The following CACNA2D4 variants were observed in gnomAD, a reference collection of about 807,000 sequenced individuals.
CACNA2D4 encodes voltage-dependent calcium channel subunit alpha-2/delta-4.
Under a neutral mutation model 163.8 loss-of-function variants are expected in CACNA2D4, and 157 were observed. The observed-to-expected ratio is 0.96, with a 90% CI of 0.84 to 1.09. The LOEUF (loss-of-function observed/expected upper bound fraction) is 1.09, where lower values mean the gene tolerates loss of function less well. Ranked by LOEUF, CACNA2D4 falls within the 50% of genes least tolerant of loss-of-function variation. The pLI is 0.00. For missense variants in CACNA2D4, 1,410 were observed against 1,479.9 expected, an observed-to-expected ratio of 0.95 and a Z score of 0.78; for synonymous variants, 598 against 586.9, an observed-to-expected ratio of 1.02 and a Z score of -0.27.
At chr12:1,850,526 A>G (rs1382456155) in intron 23 of CACNA2D4, among the ~76,000 whole-genome samples, 1 of 152,126 alleles carries the variant, frequency 6.6e-6, no homozygotes. Flanking sequence ...AGTTGCAAAC[A>G]CCTTTCCAGT....
chr12:1,882,882 G>C lies in CACNA2D4; in HGVS notation c.1470C>G (p.Ala490=). The C allele has an allele frequency of 6.2e-7, 1 of 1,613,846 alleles. No homozygotes were observed. Among genetic ancestry groups the C allele is most frequent in the Non-Finnish European group, 8.5e-7 (1 of 1,179,832 alleles). ...CCAGGCTCACCTTGCTGTCCATGTA[G>C]GCCTCTGTCCAGATGATGTCGTGGT... ...NHDHDIIWTE[A]YMDSKLLSSQ... is the part of the protein sequence containing the mutation. Residue 490 remains alanine, a synonymous_variant, in exon 13 of 38, where the codon GCC becomes GCG. Coordinates refer to ENST00000382722, the MANE Select transcript of CACNA2D4 (RefSeq NM_172364.5).
Position 1,885,062 on chromosome 12 carries a change from C to G in CACNA2D4, c.1083G>C (p.Leu361=). ...CACCTTTGACCATCAACTCCTCCACCAGCAGTTTGAAATGCTGCCATGGGT... is the reference window on the plus strand; with the variant it reads ...CACCTTTGACCATCAACTCCTCCACGAGCAGTTTGAAATGCTGCCATGGGT... The part of the protein sequence containing the change: ...DRDNREHFKL[L]VEELMVKGVG... Residue 361 remains leucine, a synonymous_variant, in exon 10 of 38, where the codon CTG becomes CTC. Transcript: ENST00000382722. The G allele has an allele frequency of 6.2e-7, 1 of 1,613,904 alleles. No individual in the cohort carries two copies. The highest frequency in any genetic ancestry group is 8.5e-7 in the Non-Finnish European group (1 of 1,179,808).
In CACNA2D4 at chr12:1,793,704, A is replaced by G. The variant is rs1863036401; in HGVS notation, c.3365T>C (p.Leu1122Pro). 1 of 1,613,572 alleles carries G rather than the reference A, an allele frequency of 6.2e-7. No individual in the cohort carries two copies. Residue 1122 changes from leucine (L) to proline (P), a missense_variant, in exon 38 of 38, where the codon CTC (leucine) becomes CCC (proline). Transcript: ENST00000382722. The stretch of plus-strand genomic sequence containing the variant: ...CCCCCAGGCACACACAGGCAGCAGG[A>G]GTAGGGGCGGCGAGGCTGAGGTGTC... Reference protein sequence around the residue: ...ASDTSASPPLLLLPVCAWGLL... With the variant: ...ASDTSASPPLPLLPVCAWGLL...
intron 6 of CACNA2D4, among the ~76,000 whole-genome samples, chr12:1,895,766 G>A (rs548967574): frequency 6.6e-6 from 1 of 152,082 alleles, no homozygotes; most frequent in East Asian, 1.9e-4. Flanking sequence ...TAAATAGCTA[G>A]GACTATAGCC....
Position 1,802,475 on chromosome 12 carries a change from T to C in CACNA2D4, c.2722-831A>G, listed in dbSNP as rs572932718. Among the ~76,000 whole-genome samples, 1 of 152,214 alleles carries C rather than the reference T, an allele frequency of 6.6e-6. No homozygotes were observed. The highest frequency in any genetic ancestry group is 1.5e-5 in the Non-Finnish European group (1 of 68,032). On this transcript the variant is annotated intron_variant, in intron 29 of 37. Coordinates refer to ENST00000382722, the MANE Select transcript of CACNA2D4 (RefSeq NM_172364.5). The surrounding 1 kb of genome is among the most constrained non-coding windows in gnomAD (Gnocchi z 4.7). ...TGCCCTGTGCCAAGCAGCGGCCCCC[T>C]AGCTGGCTGAGAATGGCCTCAGGCC...
intron 18 of CACNA2D4, among the ~76,000 whole-genome samples, chr12:1,860,574 T>C (rs890292015): frequency 6.6e-6 from 1 of 152,208 alleles, no homozygotes; most frequent in Non-Finnish European, 1.5e-5. Context: ...AGCGGCTATA[T>C]TGGGCAGTGC....
Position 1,800,033 on chromosome 12 carries a change from C to A in CACNA2D4, c.2941G>T (p.Val981Phe), listed in dbSNP as rs1167111745. The A allele has an allele frequency of 6.2e-7, 1 of 1,603,848 alleles. No individual in the cohort carries two copies. The highest frequency in any genetic ancestry group is 1.7e-5 in the Admixed American group (1 of 58,762). Reference protein sequence around the residue: ...ELVLFLLEWSVWGSWYDRGAE... With the variant: ...ELVLFLLEWSFWGSWYDRGAE... ...CCTCTGTCGTACCAGGAGCCCCAGACACTCCACTCCAGCAGGAACCTGTCA... is the reference window on the plus strand; with the variant it reads ...CCTCTGTCGTACCAGGAGCCCCAGAAACTCCACTCCAGCAGGAACCTGTCA... The change falls in exon 33 of 38, where the codon GTC becomes TTC. Residue 981 changes from valine to phenylalanine, a missense_variant. Physicochemically the swap from Val to Phe is conservative, Grantham distance 50. Transcript: ENST00000382722.
intron 19 of CACNA2D4, among the ~76,000 whole-genome samples, chr12:1,859,698 A>T (rs1865480538): frequency 1.3e-5 from 2 of 152,218 alleles, no homozygotes; most frequent in Admixed American, 1.3e-4. Context: ...AAACTCAAAG[A>T]CCTGTTAACA....
Position 1,900,282 on chromosome 12 carries a change from C to T in CACNA2D4, c.781+7158G>A, listed in dbSNP as rs530351816. Among the ~76,000 whole-genome samples, 84 of 152,248 alleles carry T rather than the reference C, an allele frequency of 5.5e-4. 1 individual carries two copies. Among genetic ancestry groups the T allele is most frequent in the African/African-American group, 1.9e-3 (78 of 41,534 alleles). On this transcript the variant is annotated intron_variant, in intron 6 of 37. Coordinates refer to ENST00000382722, the MANE Select transcript of CACNA2D4 (RefSeq NM_172364.5). ...ATAGCACCACAGGTGCACACCACCA[C>T]GACTGGCTAATTTTCATTTTTAAAA...
chr12:1,809,255 C>T (rs977390502), intron 29 of CACNA2D4: 13 of 502,372 alleles, frequency 2.6e-5, no homozygotes, highest in Non-Finnish European at 4.2e-5. Context: ...CCCTACCATG[C>T]GTGGAGGTGG....
At chr12:1,907,751 G>A in intron 5 of CACNA2D4, 124 bp downstream of exon 5, 1 of 1,307,520 alleles carries the variant, frequency 7.6e-7, no homozygotes, top group South Asian at 1.3e-5. Flanking sequence ...GGGCGTGTCT[G>A]GTGGGTGTGT....
rs550882227 is a variant in CACNA2D4, at chr12:1,831,269, C to A, written c.2551+9470G>T. The A allele has an allele frequency of 1.9e-6, 3 of 1,613,778 alleles. No individual in the cohort carries two copies. In the East Asian group the frequency reaches 6.7e-5, roughly 36 times the overall value. On this transcript the variant is annotated intron_variant, in intron 26 of 37. Transcript: ENST00000382722. ...ACAGCATCAGGACCCTGGACAGGGA[C>A]CTGCTGCGGCACTCGCCGCTGCTCC...
chr12:1,834,266 G>C lies in CACNA2D4; in HGVS notation c.2551+6473C>G. On this transcript the variant is annotated intron_variant, in intron 26 of 37. Transcript: ENST00000382722. The surrounding 1 kb of genome is among the most constrained non-coding windows in gnomAD (Gnocchi z 7.6). ...CCCCTCTTTTTCTCTTCTGCATGTA[G>C]GGGGACGCTTGGACCAGCTTGCCTG... 6.4e-7 allele frequency: 1 copy of C among 1,560,792 alleles called. No individual in the cohort carries two copies. Among genetic ancestry groups the C allele is most frequent in the Non-Finnish European group, 8.7e-7 (1 of 1,150,868 alleles).
intron 2 of CACNA2D4, among the ~76,000 whole-genome samples, chr12:1,914,176 G>A (rs1565743892): frequency 6.6e-6 from 1 of 152,224 alleles, no homozygotes; most frequent in Non-Finnish European, 1.5e-5. Flanking sequence ...TTGTGATATG[G>A]AAAAGGTGCC....
rs1185793605 is a variant in CACNA2D4 at position 1,828,944 on chromosome 12, G to A, written c.2551+11795C>T. 5.3e-5 allele frequency among the ~76,000 whole-genome samples: 8 copies of A among 152,218 alleles called. No homozygotes were observed. The highest frequency in any genetic ancestry group is 1.0e-4 in the Non-Finnish European group (7 of 68,046). ...GCTGGTCTGCCCAAGGCTACACGGT[G>A]GCAGGGAGGAAACGGTCCCGCGGGA... On this transcript the variant is annotated intron_variant, in intron 26 of 37. Coordinates refer to ENST00000382722, the MANE Select transcript of CACNA2D4 (RefSeq NM_172364.5). The surrounding 1 kb of genome is among the most constrained non-coding windows in gnomAD (Gnocchi z 4.2).
intron 1 of CACNA2D4, chr12:1,915,335 G>A (rs1023263418): frequency 1.7e-5 from 12 of 693,218 alleles, no homozygotes; most frequent in African/African-American, 7.0e-5. Context: ...CCGGGCTGAC[G>A]AGCCCAGGAC....
chr12:1,891,216 G>A (rs1367176485), intron 6 of CACNA2D4, among the ~76,000 whole-genome samples: 1 of 152,164 alleles, frequency 6.6e-6, no homozygotes, highest in Admixed American at 6.5e-5. Context: ...CACAACTGGG[G>A]CCCAAGGACA....
chr12:1,830,787 TG>T, intron 26 of CACNA2D4: 1 of 659,804 alleles, frequency 1.5e-6, no homozygotes, highest in African/African-American at 1.8e-5. Flanking sequence ...TGCTTTTATG[TG>T]GTTAATAAAC....
At chr12:1,816,365 G>A (rs936813781) in intron 26 of CACNA2D4, among the ~76,000 whole-genome samples, 1 of 152,192 alleles carries the variant, frequency 6.6e-6, no homozygotes, top group East Asian at 1.9e-4. Context: ...GTGGGCCCCT[G>A]TTTTAGACCC....
Sources: allele counts gnomAD v4.1 joint callset (sites outside exome capture counted in the v4.1 genomes callset), GRCh38; gene constraint gnomAD v4.1.1; non-coding constraint Gnocchi (gnomAD v3.1); transcripts MANE v1.5; gene names NCBI Gene and HGNC (gene_info 2026-07-23, HGNC 2026-07-21).